The following ZSWIM6 variants were observed in gnomAD, a reference collection of about 807,000 sequenced individuals.
ZSWIM6 encodes the protein zinc finger SWIM-type containing 6, also known as zinc finger SWIM domain-containing protein 6.
Under a neutral mutation model 113.2 loss-of-function variants are expected in ZSWIM6, and 9 were observed. The ratio of observed to expected loss-of-function variants is 0.08; its 90% CI spans 0.05 to 0.14. The LOEUF (loss-of-function observed/expected upper bound fraction) is 0.14. Ranked by LOEUF, ZSWIM6 falls within the 10% of genes least tolerant of loss-of-function variation. The pLI is 1.00. For missense variants in ZSWIM6, 1,162 were observed against 1,552.2 expected, an observed-to-expected ratio of 0.75 and a Z score of 4.22; for synonymous variants, 611 against 606.5, an observed-to-expected ratio of 1.01 and a Z score of -0.11.
chr5:61,493,691 G>C (rs1748244647), intron 3 of ZSWIM6, among the ~76,000 whole-genome samples: 1 of 152,066 alleles, frequency 6.6e-6, no homozygotes, highest in African/African-American at 2.4e-5. Flanking sequence ...TTTTATGCAA[G>C]GAAACAGCAG....
At chr5:61,495,766 C>G (rs142089946) in intron 4 of ZSWIM6, among the ~76,000 whole-genome samples, 4,896 of 152,018 alleles carry the variant, frequency 0.032, 129 homozygotes, top group Non-Finnish European at 0.053. Context: ...AAACCTTTTT[C>G]AATTTTGTAA....
chr5:61,333,009 G>GGGCCCCCC, intron 1 of ZSWIM6, 61 bp downstream of exon 1: 3 of 439,786 alleles, frequency 6.8e-6, no homozygotes, highest in Non-Finnish European at 9.6e-6. Context: ...TGGGGGGGGG[G>GGGCCCCCC]TGCCCGCCTT....
chr5:61,455,393 A>G (rs1010460845), intron 1 of ZSWIM6, among the ~76,000 whole-genome samples: 2 of 152,204 alleles, frequency 1.3e-5, no homozygotes, highest in African/African-American at 2.4e-5. Flanking sequence ...AAAATTCACC[A>G]ATATCCCCGC....
intron 5 of ZSWIM6, among the ~76,000 whole-genome samples, chr5:61,522,756 A>G (rs191932382): frequency 2.6e-5 from 4 of 152,312 alleles, no homozygotes; most frequent in Admixed American, 1.3e-4. Context: ...TTTAAGTTTA[A>G]TTGTTCAACA....
At chr5:61,535,883 A>T (rs1351772460) in intron 10 of ZSWIM6, among the ~76,000 whole-genome samples, 1 of 152,238 alleles carries the variant, frequency 6.6e-6, no homozygotes, top group Non-Finnish European at 1.5e-5. Flanking sequence ...AGCACAATTC[A>T]AGCCAAGTTT....
intron 1 of ZSWIM6, among the ~76,000 whole-genome samples, chr5:61,465,107 T>C (rs995881956): frequency 6.6e-6 from 1 of 152,230 alleles, no homozygotes; most frequent in Non-Finnish European, 1.5e-5. Flanking sequence ...AGAGCTGCTT[T>C]CTTTGTATTA....
intron 1 of ZSWIM6, among the ~76,000 whole-genome samples, chr5:61,365,412 A>G (rs372206877): frequency 9.2e-5 from 14 of 152,184 alleles, no homozygotes; most frequent in African/African-American, 3.4e-4. Context: ...GGAATGGCTG[A>G]CACCTTGAAT....
intron 1 of ZSWIM6, among the ~76,000 whole-genome samples, chr5:61,356,718 TA>T (rs1235898965): frequency 9.4e-6 from 1 of 106,828 alleles, no homozygotes; most frequent in Non-Finnish European, 1.9e-5. Flanking sequence ...ATAATATATA[TA>T]ACATAATATA....
At chr5:61,336,555 C>G (rs897638141) in intron 1 of ZSWIM6, among the ~76,000 whole-genome samples, 1 of 151,712 alleles carries the variant, frequency 6.6e-6, no homozygotes, top group Non-Finnish European at 1.5e-5. Flanking sequence ...GTCAGGAGTT[C>G]GAGAGCAGCC....
chr5:61,384,410 G>T (rs1407793643), intron 1 of ZSWIM6, among the ~76,000 whole-genome samples: 2 of 152,186 alleles, frequency 1.3e-5, no homozygotes, highest in Non-Finnish European at 2.9e-5. Flanking sequence ...TTTAGAACAT[G>T]CATGGTGGTG....
At chr5:61,335,129 A>G (rs1410961059) in intron 1 of ZSWIM6, among the ~76,000 whole-genome samples, 2 of 152,266 alleles carry the variant, frequency 1.3e-5, no homozygotes, top group African/African-American at 2.4e-5. Context: ...GAGTAGTTGT[A>G]AAAGAAAATA....
intron 5 of ZSWIM6, among the ~76,000 whole-genome samples, chr5:61,522,551 T>C (rs748126177): frequency 6.6e-6 from 1 of 152,214 alleles, no homozygotes; most frequent in Admixed American, 6.5e-5. Flanking sequence ...CATAGGGACT[T>C]TTCCAATCAA....
intron 1 of ZSWIM6, among the ~76,000 whole-genome samples, chr5:61,452,653 C>G (rs1399286176): frequency 2.0e-5 from 3 of 152,106 alleles, no homozygotes; most frequent in Admixed American, 2.0e-4. Context: ...CCCATATACT[C>G]TTTAACCAAC....
chr5:61,534,646 G>T (rs1311648138), intron 9 of ZSWIM6, among the ~76,000 whole-genome samples: 1 of 152,054 alleles, frequency 6.6e-6, no homozygotes, highest in Non-Finnish European at 1.5e-5. Flanking sequence ...CAAAGTGGTT[G>T]AACTAACCAC....
At chr5:61,415,321 A>G (rs1476403992) in intron 1 of ZSWIM6, among the ~76,000 whole-genome samples, 1 of 152,200 alleles carries the variant, frequency 6.6e-6, no homozygotes, top group Non-Finnish European at 1.5e-5. Context: ...GGCTGGGCGC[A>G]GTGGCTCATG....
At chr5:61,512,210 A>G (rs906500055) in intron 4 of ZSWIM6, among the ~76,000 whole-genome samples, 8 of 152,060 alleles carry the variant, frequency 5.3e-5, no homozygotes, top group Admixed American at 4.6e-4. Flanking sequence ...CAGTTGAATA[A>G]TAAGCTTGTG....
At chr5:61,520,683 A>G (rs1383575526) in intron 4 of ZSWIM6, among the ~76,000 whole-genome samples, 1 of 152,150 alleles carries the variant, frequency 6.6e-6, no homozygotes, top group Admixed American at 6.5e-5. Context: ...AAATATGCAT[A>G]CTAATTAATA....
intron 4 of ZSWIM6, among the ~76,000 whole-genome samples, chr5:61,511,671 G>C (rs1431111200): frequency 6.6e-6 from 1 of 152,140 alleles, no homozygotes; most frequent in East Asian, 1.9e-4. Flanking sequence ...GCCCTCACCA[G>C]ATGCCAAATT....
intron 9 of ZSWIM6, 138 bp downstream of exon 9, chr5:61,531,863 T>C: frequency 6.3e-6 from 6 of 955,796 alleles, no homozygotes; most frequent in Admixed American, 2.9e-5. Context: ...ATCAAAGACA[T>C]GTTCGCTGTC....
Sources: gnomAD v4.1 joint callset for allele counts (sites outside exome capture counted in the v4.1 genomes callset) on GRCh38, gnomAD v4.1.1 for gene constraint, MANE v1.5 for transcripts, NCBI Gene and HGNC (gene_info 2026-07-23, HGNC 2026-07-21) for gene names.